The following C8orf74 variants were observed in gnomAD, a reference collection of about 807,000 sequenced individuals.
C8orf74 encodes uncharacterized protein C8orf74.
A neutral mutation model predicts 22.2 loss-of-function variants in C8orf74; 29 were observed. That is an observed-to-expected ratio of 1.31 (90% CI 0.97 to 1.78). The LOEUF (loss-of-function observed/expected upper bound fraction) is 1.78, where lower values mean the gene tolerates loss of function less well. Ranked by LOEUF, C8orf74 falls within the 40% of genes most tolerant of loss-of-function variation. The probability of loss-of-function intolerance (pLI) is 0.00; values close to 1 mark genes in which losing one functional copy is unlikely to be tolerated. For missense variants in C8orf74, 515 were observed against 369.9 expected, an observed-to-expected ratio of 1.39 and a Z score of -3.22; for synonymous variants, 255 against 163.1, an observed-to-expected ratio of 1.56 and a Z score of -4.30.
rs577148850 is a variant in C8orf74, at chr8:10,678,366, G to C, written c.241+3528G>C. 1.6e-4 allele frequency among the ~76,000 whole-genome samples: 25 copies of C among 152,324 alleles called. No homozygotes were observed. The South Asian group carries it at 5.2e-3, about 32-fold the overall frequency. ...TCGGTGCCTAGGAAGCGCCCAGTGA[G>C]TGGCACCTTTATTTTTAGGAGACAC... On this transcript the variant is annotated intron_variant, in intron 2 of 3. Transcript: ENST00000304519.
chr8:10,686,976 G>C (rs971632166), intron 2 of C8orf74: 1 of 410,822 alleles, frequency 2.4e-6, no homozygotes, highest in Non-Finnish European at 4.9e-6. Context: ...TCCCACCATA[G>C]GTGAGTAGAA....
chr8:10,675,771 G>T lies in C8orf74; in HGVS notation c.241+933G>T, dbSNP rs796981861. On this transcript the variant is annotated intron_variant, in intron 2 of 3. Coordinates refer to ENST00000304519, the MANE Select transcript of C8orf74 (RefSeq NM_001040032.2). ...AATCTAATCAAGAGAAAACAGCAAA[G>T]TAGGACCATGGCTCAAAGTAGCCCT... is the stretch of plus-strand genomic sequence containing the variant. 1.2e-4 allele frequency: 18 copies of T among 152,322 alleles called. 1 individual carries two copies. The highest frequency in any genetic ancestry group is 4.3e-4 in the African/African-American group (18 of 41,566). 9.4% of individuals were successfully genotyped at this position (152,322 alleles called of 1,614,324 possible).
At chr8:10,678,407 C>T (rs142907709) in intron 2 of C8orf74, among the ~76,000 whole-genome samples, 5 of 152,186 alleles carry the variant, frequency 3.3e-5, no homozygotes, top group East Asian at 3.9e-4. Context: ...CCTGGGAACT[C>T]GAGGGAGCAG....
intron 2 of C8orf74, among the ~76,000 whole-genome samples, chr8:10,685,403 G>C (rs2129057360): frequency 6.6e-6 from 1 of 152,346 alleles, no homozygotes; most frequent in South Asian, 2.1e-4. Context: ...AGTGAGCATG[G>C]ATGGATGAAT....
rs906994996 is a variant in C8orf74, at chr8:10,687,570, C to G, written c.242-10029C>G. Among the ~76,000 whole-genome samples the G allele has an allele frequency of 3.5e-5, 5 of 143,802 alleles. No homozygotes were observed. The South Asian group carries it at 6.6e-4, about 19-fold the overall frequency. 94.3% of individuals were successfully genotyped at this position (143,802 alleles called of 152,430 possible). On this transcript the variant is annotated intron_variant, in intron 2 of 3. Transcript: ENST00000304519. ...GAGGTTGCAGTCAGCTGAGTAAGAT[C>G]GCTCCACTGCAATCCAGCCTGGGTG...
At chr8:10,681,550 G>A (rs1213768817) in intron 2 of C8orf74, among the ~76,000 whole-genome samples, 3 of 152,126 alleles carry the variant, frequency 2.0e-5, no homozygotes, top group Admixed American at 6.5e-5. Flanking sequence ...AGGGAAGGTG[G>A]GGACAGCCTC....
intron 2 of C8orf74, among the ~76,000 whole-genome samples, chr8:10,682,300 G>A (rs1347380469): frequency 1.3e-5 from 2 of 152,210 alleles, no homozygotes; most frequent in Admixed American, 1.3e-4. Context: ...TGGGACAAAC[G>A]AGCAGCTCTC....
intron 2 of C8orf74, chr8:10,687,283 G>C: frequency 2.8e-6 from 1 of 356,628 alleles, no homozygotes; most frequent in East Asian, 7.5e-5. Context: ...TAAGAACACT[G>C]CTGCCCATGT....
At chr8:10,676,764 C>T (rs1799041014) in intron 2 of C8orf74, among the ~76,000 whole-genome samples, 1 of 152,182 alleles carries the variant, frequency 6.6e-6, no homozygotes, top group Non-Finnish European at 1.5e-5. Context: ...CCTCAAGGCC[C>T]TGCCTCCCCA....
Position 10,675,319 on chromosome 8 carries a change from G to GTGCAGGGCT in C8orf74, c.241+486_241+494dup, listed in dbSNP as rs569885777. Among the ~76,000 whole-genome samples the GTGCAGGGCT allele has an allele frequency of 2.3e-3, 355 of 152,364 alleles. 2 individuals are homozygous for GTGCAGGGCT. Among genetic ancestry groups the GTGCAGGGCT allele is most frequent in the South Asian group, 0.015 (73 of 4,832 alleles). On this transcript the variant is annotated intron_variant, in intron 2 of 3. Coordinates refer to ENST00000304519, the MANE Select transcript of C8orf74 (RefSeq NM_001040032.2). ...GCAGCATTGCCCACTCCCTGGCCCT[G>GTGCAGGGCT]TGCAGGGCTTGCATGAGAAAAGGAC... is the stretch of plus-strand genomic sequence containing the variant.
At chr8:10,690,499 C>A (rs942541913) in intron 2 of C8orf74, among the ~76,000 whole-genome samples, 3 of 152,142 alleles carry the variant, frequency 2.0e-5, no homozygotes, top group Admixed American at 6.5e-5. Context: ...CTGGGCCAGC[C>A]CTGGTAGGCG....
chr8:10,691,446 G>T, intron 2 of C8orf74: 1 of 160,294 alleles, frequency 6.2e-6, no homozygotes, highest in Non-Finnish European at 1.4e-5. Context: ...CACAGCTGCA[G>T]GATGCAGGTG....
At chr8:10,700,059 G>C (rs535219890) in intron 3 of C8orf74, among the ~76,000 whole-genome samples, 176 bp from the exon 4 acceptor site, 1 of 151,722 alleles carries the variant, frequency 6.6e-6, no homozygotes, top group South Asian at 2.1e-4. Flanking sequence ...CAGACCTCCC[G>C]CCCCTAGTTG....
At chr8:10,688,118 T>C (rs978546552) in intron 2 of C8orf74, among the ~76,000 whole-genome samples, 7 of 148,948 alleles carry the variant, frequency 4.7e-5, no homozygotes, top group African/African-American at 1.7e-4. Flanking sequence ...GGCAGGAGGA[T>C]CACTTGAACG....
intron 3 of C8orf74, among the ~76,000 whole-genome samples, chr8:10,698,901 CCACACA>C (rs59324425): frequency 0.011 from 1,470 of 137,612 alleles, 24 homozygotes; most frequent in African/African-American, 0.031. Flanking sequence ...TACACACACA[CCACACA>C]CACACACACA....
intron 2 of C8orf74, among the ~76,000 whole-genome samples, chr8:10,688,108 G>A (rs1563160359): frequency 6.6e-6 from 1 of 151,856 alleles, no homozygotes; most frequent in Admixed American, 6.6e-5. Context: ...GGGAGGCTGA[G>A]GCAGGAGGAT....
chr8:10,673,253 C>T (rs1236271338), intron 1 of C8orf74, among the ~76,000 whole-genome samples: 1 of 152,226 alleles, frequency 6.6e-6, no homozygotes, highest in East Asian at 1.9e-4. Context: ...CTCTGCTGCA[C>T]CCCAAACATT....
chr8:10,682,810 C>T (rs960919351), intron 2 of C8orf74, among the ~76,000 whole-genome samples: 2 of 152,232 alleles, frequency 1.3e-5, no homozygotes, highest in Admixed American at 1.3e-4. Flanking sequence ...AAACCTTCCC[C>T]TGCCTTCCGC....
chr8:10,697,082 C>T (rs1799534242), intron 2 of C8orf74, among the ~76,000 whole-genome samples: 1 of 151,920 alleles, frequency 6.6e-6, no homozygotes, highest in African/African-American at 2.4e-5. Context: ...GTGTAAGTTA[C>T]TGCAAGTAAA....
Sources: gnomAD v4.1 joint callset for allele counts (sites outside exome capture counted in the v4.1 genomes callset) on GRCh38, gnomAD v4.1.1 for gene constraint, MANE v1.5 for transcripts, NCBI Gene and HGNC (gene_info 2026-07-23, HGNC 2026-07-21) for gene names.